The following DMRT2 variants were observed in gnomAD, a reference collection of about 807,000 sequenced individuals.
DMRT2 encodes the protein doublesex- and mab-3-related transcription factor 2.
A neutral mutation model predicts 43.5 loss-of-function variants in DMRT2; 33 were observed. The observed-to-expected ratio is 0.76, with a 90% CI of 0.58 to 1.01. DMRT2 has a LOEUF of 1.01. DMRT2 is among the 50% of genes least tolerant of loss of function. The probability of loss-of-function intolerance (pLI) is 0.00; values close to 1 mark genes in which losing one functional copy is unlikely to be tolerated. For synonymous variants in DMRT2, 395 were observed against 309.2 expected (o/e 1.28, Z -2.91); for missense variants, 1,064 against 748.0 (o/e 1.42, Z -4.93).
At chr9:1,052,422 T>C (rs1821662738) in intron 2 of DMRT2, among the ~76,000 whole-genome samples, 1 of 152,004 alleles carries the variant, frequency 6.6e-6, no homozygotes, top group Non-Finnish European at 1.5e-5. Flanking sequence ...AAATCAATGT[T>C]TTTATTTTTT....
rs1821572719 is a variant in DMRT2 at position 1,051,534 on chromosome 9, G to A, written c.-44-36G>A. 1.2e-5 allele frequency: 17 copies of A among 1,427,162 alleles called. No individual in the cohort carries two copies. Among genetic ancestry groups the A allele is most frequent in the Non-Finnish European group, 1.5e-5 (17 of 1,100,408 alleles). 88.4% of individuals were successfully genotyped at this position (1,427,162 alleles called of 1,614,324 possible). ...GGCTCAGGGATGGTCCCTGACGGCGGCCGGTGGGTCTTTGGATTTCTTTGT... is the reference window on the plus strand; with the variant it reads ...GGCTCAGGGATGGTCCCTGACGGCGACCGGTGGGTCTTTGGATTTCTTTGT... On this transcript the variant is annotated intron_variant, in intron 1 of 3. Transcript: ENST00000358146. This position sits in a 1 kb window ranked among gnomAD's most constrained non-coding sequence, Gnocchi z 5.9.
At chr9:1,053,878 T>A in intron 3 of DMRT2, 54 bp downstream of exon 3, 1 of 1,420,470 alleles carries the variant, frequency 7.0e-7, no homozygotes, top group Non-Finnish European at 9.9e-7. Context: ...GTGACTCTCA[T>A]TAATCAGCAC....
At chr9:1,052,970 C>G (rs866711128) in intron 2 of DMRT2, 1 of 152,282 alleles carries the variant, frequency 6.6e-6, no homozygotes, top group East Asian at 1.9e-4. Flanking sequence ...GGCAGTAACC[C>G]CACTGGAAAG....
At position 1,051,819 on chromosome 9, in the gene DMRT2, G is replaced by C. The variant is rs1173099612; in HGVS notation, c.206G>C (p.Gly69Ala). 1 of 1,467,024 alleles carries C rather than the reference G, an allele frequency of 6.8e-7. No homozygotes were observed. Among genetic ancestry groups the C allele is most frequent in the African/African-American group, 1.5e-5 (1 of 67,494 alleles). The allele number at this position is 1,467,024 out of a possible 1,614,324, so 90.9% of individuals were successfully genotyped here. ...AEEEGDGEEA[G>A]ASPGMPGQPE... ...GAAGAGGGCGACGGCGAGGAGGCAG[G>C]CGCGTCCCCCGGGATGCCCGGCCAG... The change falls in exon 2 of 4, where the codon GGC becomes GCC. Residue 69 changes from glycine (G) to alanine (A), a missense_variant. Gly to Ala is a moderately conservative substitution (Grantham distance 60, BLOSUM62 0). Transcript: ENST00000358146. This position sits in a 1 kb window ranked among gnomAD's most constrained non-coding sequence, Gnocchi z 5.9.
intron 2 of DMRT2, among the ~76,000 whole-genome samples, chr9:1,052,449 T>C (rs1020917985): frequency 2.6e-5 from 4 of 151,990 alleles, no homozygotes; most frequent in Admixed American, 6.5e-5. Flanking sequence ...TTAAAGTGCA[T>C]TTTCGTGGTG....
intron 3 of DMRT2, 110 bp from the exon 4 acceptor site, chr9:1,056,106 C>T: frequency 1.3e-6 from 2 of 1,505,226 alleles, no homozygotes; most frequent in South Asian, 2.8e-5. Context: ...TGAGATGGAA[C>T]TGTAAATAAT....
chr9:1,055,896 G>C, intron 3 of DMRT2: 2 of 1,471,278 alleles, frequency 1.4e-6, no homozygotes, highest in East Asian at 2.6e-5. Flanking sequence ...TAATGCGTAG[G>C]GGGCCTGGGA....
At position 1,056,726 on chromosome 9, in the gene DMRT2, G is replaced by A. The variant is rs762928577; in HGVS notation, c.1139G>A (p.Gly380Glu). The change falls in exon 4 of 4, where the codon GGA becomes GAA. Residue 380 changes from glycine (G) to glutamate (E), a missense_variant. Physicochemically the swap from Gly to Glu is moderately conservative, Grantham distance 98. Transcript: ENST00000358146. ...LKPGASWDLK[G>E]ARVQDGLSAE... Reference sequence around the variant, plus strand: ...CCTGGGGCCAGCTGGGACTTGAAGGGAGCACGAGTCCAGGATGGACTCAGT... The same window carrying A: ...CCTGGGGCCAGCTGGGACTTGAAGGAAGCACGAGTCCAGGATGGACTCAGT... 14 of 1,613,972 alleles carry A rather than the reference G, an allele frequency of 8.7e-6. No individual in the cohort carries two copies. In the African/African-American group the frequency reaches 1.6e-4, roughly 18 times the overall value.
In DMRT2 at chr9:1,056,910, C is replaced by G. The variant is rs770028960; in HGVS notation, c.1323C>G (p.Asp441Glu). 5 of 1,614,176 alleles carry G rather than the reference C, an allele frequency of 3.1e-6. No homozygotes were observed. Among genetic ancestry groups the G allele is most frequent in the South Asian group, 1.1e-5 (1 of 91,080 alleles). ...PPRRNFSPIV[D>E]TDSLAAQGHV... Reference sequence around the variant, plus strand: ...GACGGAATTTCTCTCCCATTGTTGACACGGACTCCCTGGCAGCTCAAGGGC... The same window carrying G: ...GACGGAATTTCTCTCCCATTGTTGAGACGGACTCCCTGGCAGCTCAAGGGC... The change falls in exon 4 of 4, where the codon GAC becomes GAG. Residue 441 changes from aspartate to glutamate, a missense_variant. Physicochemically the swap from Asp to Glu is conservative, Grantham distance 45. Transcript: ENST00000358146.
In DMRT2 at chr9:1,056,140, C is replaced by A. The variant is rs139750292; in HGVS notation, c.629-76C>A. 1,132 of 1,528,552 alleles carry A rather than the reference C, an allele frequency of 7.4e-4. 6 individuals are homozygous for A. The highest frequency in any genetic ancestry group is 6.4e-3 in the African/African-American group (459 of 71,992). The allele number at this position is 1,528,552 out of a possible 1,614,324, so 94.7% of individuals were successfully genotyped here. On this transcript the variant is annotated intron_variant, in intron 3 of 3. Coordinates refer to ENST00000358146, the MANE Select transcript of DMRT2 (RefSeq NM_181872.6). The stretch of plus-strand genomic sequence containing the variant: ...ATTGTTCTGCTGATCTGTAGTGTTG[C>A]TGTTACCTTCTGGGTTTCCACATTT...
chr9:1,051,496 G>A lies in DMRT2; in HGVS notation c.-44-74G>A. 2.1e-6 allele frequency: 3 copies of A among 1,401,054 alleles called. No individual in the cohort carries two copies. The highest frequency in any genetic ancestry group is 2.8e-6 in the Non-Finnish European group (3 of 1,086,156). The allele number at this position is 1,401,054 out of a possible 1,614,324, so 86.8% of individuals were successfully genotyped here. The stretch of plus-strand genomic sequence containing the variant: ...GCGGCCGGAGGCGGGCAGACCAGGA[G>A]CTTTGGGCCGGAGGCTCAGGGATGG... On this transcript the variant is annotated intron_variant, in intron 1 of 3. Transcript: ENST00000358146. This position sits in a 1 kb window ranked among gnomAD's most constrained non-coding sequence, Gnocchi z 5.9.
In DMRT2 at chr9:1,051,089, G is replaced by A. The variant is rs929408345; in HGVS notation, c.-45+314G>A. Among the ~76,000 whole-genome samples, 1 of 152,158 alleles carries A rather than the reference G, an allele frequency of 6.6e-6. No individual in the cohort carries two copies. The highest frequency in any genetic ancestry group is 1.5e-5 in the Non-Finnish European group (1 of 68,016). On this transcript the variant is annotated intron_variant, in intron 1 of 3. Coordinates refer to ENST00000358146, the MANE Select transcript of DMRT2 (RefSeq NM_181872.6). The surrounding 1 kb of genome is among the most constrained non-coding windows in gnomAD (Gnocchi z 5.9). Reference sequence around the variant, plus strand: ...CTTGTGGTGGTGTAGGCTGATGAGAGGCATTTGGGAAGCATAGAGTGGTAC... The same window carrying A: ...CTTGTGGTGGTGTAGGCTGATGAGAAGCATTTGGGAAGCATAGAGTGGTAC...
intron 3 of DMRT2, 115 bp from the exon 4 acceptor site, chr9:1,056,101 T>G (rs7854435): frequency 0.25 from 382,056 of 1,498,948 alleles, 52,069 homozygotes; most frequent in African/African-American, 0.5. Flanking sequence ...ATCAGTGAGA[T>G]GGAACTGTAA....
Position 1,056,405 on chromosome 9 carries a change from G to C in DMRT2, c.818G>C (p.Arg273Pro), listed in dbSNP as rs541457019. 1 of 1,614,150 alleles carries C rather than the reference G, an allele frequency of 6.2e-7. No homozygotes were observed. Among genetic ancestry groups the C allele is most frequent in the Admixed American group, 1.7e-5 (1 of 60,008 alleles). Residue 273 changes from arginine to proline, a missense_variant, in exon 4 of 4, where the codon CGC becomes CCC. Physicochemically the swap from Arg to Pro is moderately radical, Grantham distance 103. Transcript: ENST00000358146. ...SQAAALFLPN[R>P]MVPGPDYNSY... is the part of the protein sequence containing the mutation. ...GCTGCTGCTCTGTTTCTGCCCAACC[G>C]CATGGTGCCTGGACCTGACTACAAT...
At chr9:1,055,831 A>T (rs1385977702) in intron 3 of DMRT2, 2 of 1,517,684 alleles carry the variant, frequency 1.3e-6, no homozygotes, top group South Asian at 1.3e-5. Context: ...ATGAAAAAAG[A>T]TGACATGGAT....
chr9:1,057,217 T>A lies in DMRT2; in HGVS notation c.1630T>A (p.Ser544Thr). ...KLSVNEPLSFSVESILKRPSS... is the reference protein window; with the variant it reads ...KLSVNEPLSFTVESILKRPSS... ...CTCGGTGAATGAACCACTGTCATTT[T>A]CTGTTGAGTCTATTCTTAAGAGGCC... Residue 544 changes from serine (S) to threonine (T), a missense_variant, in exon 4 of 4, where the codon TCT (serine) becomes ACT (threonine). Coordinates refer to ENST00000358146, the MANE Select transcript of DMRT2 (RefSeq NM_181872.6). 6.2e-7 allele frequency: 1 copy of A among 1,614,032 alleles called. No individual in the cohort carries two copies. The highest frequency in any genetic ancestry group is 1.1e-5 in the South Asian group (1 of 91,076).
chr9:1,051,877 G>T lies in DMRT2; in HGVS notation c.264G>T (p.Pro88=). 2 of 1,380,136 alleles carry T rather than the reference G, an allele frequency of 1.4e-6. No individual in the cohort carries two copies. The highest frequency in any genetic ancestry group is 1.9e-6 in the Non-Finnish European group (2 of 1,078,380). The allele number at this position is 1,380,136 out of a possible 1,614,324, so 85.5% of individuals were successfully genotyped here. Residue 88 remains proline (P), a synonymous_variant, in exon 2 of 4, where the codon CCG becomes CCT. Coordinates refer to ENST00000358146, the MANE Select transcript of DMRT2 (RefSeq NM_181872.6). This position sits in a 1 kb window ranked among gnomAD's most constrained non-coding sequence, Gnocchi z 5.9. ...PEQRGGPQPR[P]PLAPQASPAG... ...AGCGGGGGGGACCGCAGCCGAGGCC[G>T]CCGCTCGCGCCTCAGGCCTCACCCG...
In DMRT2 at chr9:1,056,661, A is replaced by G. The variant is rs1483249607; in HGVS notation, c.1074A>G (p.Gln358=). 6.8e-6 allele frequency: 11 copies of G among 1,614,094 alleles called. No homozygotes were observed. The highest frequency in any genetic ancestry group is 9.3e-6 in the Non-Finnish European group (11 of 1,180,050). ...TTAGCGACACCCTCCTCTACCAGCA[A>G]TGCCTGCTAAATGCCACCACCTCAG... ...GPISDTLLYQ[Q]CLLNATTSVQ... is the part of the protein sequence containing the mutation. Residue 358 remains glutamine, a synonymous_variant, in exon 4 of 4, where the codon CAA becomes CAG. Coordinates refer to ENST00000358146, the MANE Select transcript of DMRT2 (RefSeq NM_181872.6).
In DMRT2 at chr9:1,051,876, C is replaced by G; in HGVS notation, c.263C>G (p.Pro88Arg). Residue 88 changes from proline to arginine, a missense_variant, in exon 2 of 4, where the codon CCG becomes CGG. Pro to Arg is a moderately radical substitution (Grantham distance 103). Transcript: ENST00000358146. The surrounding 1 kb of genome is among the most constrained non-coding windows in gnomAD (Gnocchi z 5.9). Reference sequence around the variant, plus strand: ...CAGCGGGGGGGACCGCAGCCGAGGCCGCCGCTCGCGCCTCAGGCCTCACCC... The same window carrying G: ...CAGCGGGGGGGACCGCAGCCGAGGCGGCCGCTCGCGCCTCAGGCCTCACCC... The part of the protein sequence containing the change: ...PEQRGGPQPR[P>R]PLAPQASPAG... 7.3e-7 allele frequency: 1 copy of G among 1,379,222 alleles called. No individual in the cohort carries two copies. Among genetic ancestry groups the G allele is most frequent in the Admixed American group, 4.0e-5 (1 of 25,310 alleles). The allele number at this position is 1,379,222 out of a possible 1,614,324, so 85.4% of individuals were successfully genotyped here. A position where few individuals can be genotyped will look rare whatever the true frequency, so the allele number is the denominator to read the frequency against.
Sources: allele counts gnomAD v4.1 joint callset (sites outside exome capture counted in the v4.1 genomes callset), GRCh38; gene constraint gnomAD v4.1.1; non-coding constraint Gnocchi (gnomAD v3.1); transcripts MANE v1.5; gene names NCBI Gene and HGNC (gene_info 2026-07-23, HGNC 2026-07-21).